The following ST18 variants were observed in gnomAD, a reference collection of about 807,000 sequenced individuals.
ST18 encodes the protein suppression of tumorigenicity 18 protein.
ST18 carries 50 observed loss-of-function variants against 110.0 expected under a neutral mutation model. That is an observed-to-expected ratio of 0.45 (90% CI 0.36 to 0.58). The LOEUF (loss-of-function observed/expected upper bound fraction) is 0.58. Ranked by LOEUF, ST18 falls within the 20% of genes least tolerant of loss-of-function variation. ST18 has a pLI of 0.00. For synonymous variants in ST18, 461 were observed against 452.4 expected (o/e 1.02, Z -0.24); for missense variants, 1,306 against 1,280.1 (o/e 1.02, Z -0.31).
intron 5 of ST18, among the ~76,000 whole-genome samples, chr8:52,219,604 C>T (rs2085840959): frequency 6.6e-6 from 1 of 152,170 alleles, no homozygotes; most frequent in Non-Finnish European, 1.5e-5. Flanking sequence ...CTTGTCTCCC[C>T]TAATCCCTCC....
intron 12 of ST18, among the ~76,000 whole-genome samples, chr8:52,164,850 C>T (rs2062435668): frequency 6.6e-6 from 1 of 152,178 alleles, no homozygotes; most frequent in Admixed American, 6.5e-5. Flanking sequence ...ACAGCACATT[C>T]TATTTGTATG....
chr8:52,295,262 A>G (rs910437290), intron 2 of ST18, among the ~76,000 whole-genome samples: 1 of 152,236 alleles, frequency 6.6e-6, no homozygotes, highest in Non-Finnish European at 1.5e-5. Flanking sequence ...TGAACGCTTT[A>G]TTTAAAGATA....
chr8:52,164,177 A>G (rs748402537), intron 12 of ST18, 87 bp from the exon 13 acceptor site: 3 of 1,070,700 alleles, frequency 2.8e-6, no homozygotes, highest in Non-Finnish European at 4.3e-6. Flanking sequence ...CACTTGGCAC[A>G]CACTAAATGT....
intron 13 of ST18, among the ~76,000 whole-genome samples, 160 bp from the exon 14 acceptor site, chr8:52,161,728 G>C (rs1375079998): frequency 1.3e-5 from 2 of 152,150 alleles, no homozygotes; most frequent in Non-Finnish European, 2.9e-5. Flanking sequence ...AGAGCAGCAT[G>C]CTCCGGACCC....
intron 8 of ST18, among the ~76,000 whole-genome samples, chr8:52,200,367 A>T (rs1024442822): frequency 6.6e-6 from 1 of 152,218 alleles, no homozygotes; most frequent in Admixed American, 6.5e-5. Context: ...TTGAGCAAAA[A>T]CCTGGTGCAA....
At chr8:52,373,753 A>G (rs1831118835) in intron 2 of ST18, among the ~76,000 whole-genome samples, 3 of 151,680 alleles carry the variant, frequency 2.0e-5, no homozygotes, top group Admixed American at 2.0e-4. Context: ...TATGCCCCCA[A>G]CTCTGTTGCC....
intron 2 of ST18, among the ~76,000 whole-genome samples, chr8:52,235,524 C>T (rs113729301): frequency 0.014 from 2,115 of 152,188 alleles, 23 homozygotes; most frequent in Non-Finnish European, 0.022. Context: ...TGATGATGCC[C>T]CTGACCCTGT....
intron 2 of ST18, among the ~76,000 whole-genome samples, chr8:52,341,878 G>GC (rs11409986): frequency 0.98 from 149,832 of 152,254 alleles, 73,770 homozygotes; most frequent in Middle Eastern, 1. Flanking sequence ...AGCTGGTGTG[G>GC]AGGATCCCCT....
intron 10 of ST18, among the ~76,000 whole-genome samples, chr8:52,167,285 C>A (rs1463152948): frequency 6.6e-6 from 1 of 152,112 alleles, no homozygotes; most frequent in African/African-American, 2.4e-5. Flanking sequence ...AAAAATCAAC[C>A]CTGTGCTAGG....
At chr8:52,130,119 A>AAGAAAG (rs1554585622) in intron 22 of ST18, among the ~76,000 whole-genome samples, 4 of 105,242 alleles carry the variant, frequency 3.8e-5, no homozygotes, top group African/African-American at 1.6e-4. Flanking sequence ...AGAAAGAAAG[A>AAGAAAG]AAAGAAAGAA....
At chr8:52,125,233 T>G (rs1242512020) in intron 23 of ST18, among the ~76,000 whole-genome samples, 1 of 152,150 alleles carries the variant, frequency 6.6e-6, no homozygotes, top group African/African-American at 2.4e-5. Context: ...AATGTAGATG[T>G]AGGTAAAGAT....
At chr8:52,143,269 G>A (rs1317150482) in intron 16 of ST18, among the ~76,000 whole-genome samples, 1 of 152,188 alleles carries the variant, frequency 6.6e-6, no homozygotes. Flanking sequence ...GGCGGATCAC[G>A]AGGTCAAGAG....
intron 16 of ST18, 80 bp from the exon 17 acceptor site, chr8:52,143,125 A>G (rs2132105863): frequency 1.1e-6 from 1 of 901,832 alleles, no homozygotes; most frequent in African/African-American, 1.7e-5. Flanking sequence ...AAAATCATTG[A>G]AGCCAGGTTT....
At chr8:52,397,759 T>C (rs1251013014) in intron 2 of ST18, among the ~76,000 whole-genome samples, 1 of 152,168 alleles carries the variant, frequency 6.6e-6, no homozygotes. Context: ...GTTAAGTGCA[T>C]ATGCTTGACT....
At chr8:52,263,154 A>G (rs1052966656) in intron 2 of ST18, among the ~76,000 whole-genome samples, 3 of 152,238 alleles carry the variant, frequency 2.0e-5, no homozygotes, top group African/African-American at 7.2e-5. Context: ...CATCCAGATT[A>G]GAGAATGATC....
intron 8 of ST18, among the ~76,000 whole-genome samples, chr8:52,197,347 T>C (rs941351825): frequency 6.6e-6 from 1 of 152,184 alleles, no homozygotes; most frequent in Non-Finnish European, 1.5e-5. Flanking sequence ...TCCAAATCCA[T>C]CAAATACTAA....
chr8:52,148,148 G>T (rs1262949710), intron 16 of ST18, among the ~76,000 whole-genome samples: 3 of 152,156 alleles, frequency 2.0e-5, no homozygotes, highest in Non-Finnish European at 4.4e-5. Flanking sequence ...AGGCAAATGA[G>T]CTTCTTAAAC....
intron 2 of ST18, among the ~76,000 whole-genome samples, chr8:52,399,007 T>C (rs1044975769): frequency 6.6e-6 from 1 of 151,994 alleles, no homozygotes; most frequent in Admixed American, 6.5e-5. Flanking sequence ...ATAGAAGAAT[T>C]ATTGGTAATA....
intron 16 of ST18, among the ~76,000 whole-genome samples, chr8:52,147,506 C>G (rs553355063): frequency 8.5e-5 from 13 of 152,172 alleles, no homozygotes; most frequent in African/African-American, 2.4e-4. Context: ...CTATTTGAAG[C>G]AAATGTGTTT....
Sources: gnomAD v4.1 joint callset for allele counts (sites outside exome capture counted in the v4.1 genomes callset) on GRCh38, gnomAD v4.1.1 for gene constraint, MANE v1.5 for transcripts, NCBI Gene and HGNC (gene_info 2026-07-23, HGNC 2026-07-21) for gene names.